The following LIMCH1 variants were observed in gnomAD, a reference collection of about 807,000 sequenced individuals.
LIMCH1 encodes LIM and calponin homology domains 1.
A neutral mutation model predicts 176.5 loss-of-function variants in LIMCH1; 113 were observed. The ratio of observed to expected loss-of-function variants is 0.64; its 90% CI spans 0.55 to 0.75. LIMCH1 has a LOEUF of 0.75. Among genes scored for constraint, LIMCH1 ranks in the 30% least tolerant of loss-of-function variants. The pLI is 0.00. For missense variants in LIMCH1, 1,674 were observed against 1,814.9 expected, an observed-to-expected ratio of 0.92 and a Z score of 1.41; for synonymous variants, 619 against 645.9, an observed-to-expected ratio of 0.96 and a Z score of 0.63.
At chr4:41,457,015 T>C (rs2154150676) in intron 1 of LIMCH1, among the ~76,000 whole-genome samples, 1 of 152,306 alleles carries the variant, frequency 6.6e-6, no homozygotes, top group East Asian at 1.9e-4. Context: ...CCATCAGAGC[T>C]TGAGGGCACA....
chr4:41,547,510 T>C (rs1209215657), intron 1 of LIMCH1, among the ~76,000 whole-genome samples: 2 of 132,978 alleles, frequency 1.5e-5, no homozygotes, highest in African/African-American at 3.8e-5. Flanking sequence ...GACCTTGGGC[T>C]AATAATTTAA....
intron 1 of LIMCH1, among the ~76,000 whole-genome samples, chr4:41,455,650 C>A (rs74994355): frequency 0.049 from 7,434 of 152,012 alleles, 258 homozygotes; most frequent in Non-Finnish European, 0.08. Context: ...AACAAAAAAA[C>A]CCAAATAAAA....
intron 18 of LIMCH1, among the ~76,000 whole-genome samples, chr4:41,658,337 A>C (rs1227649675): frequency 1.3e-5 from 2 of 152,202 alleles, no homozygotes; most frequent in Non-Finnish European, 2.9e-5. Flanking sequence ...AAATGTCAGG[A>C]TGTAACCTTT....
intron 29 of LIMCH1, among the ~76,000 whole-genome samples, chr4:41,689,194 T>C (rs1018135523): frequency 2.6e-5 from 4 of 151,956 alleles, no homozygotes; most frequent in Non-Finnish European, 2.9e-5. Flanking sequence ...TTAGGACTTA[T>C]AAAAAAAAGT....
At chr4:41,482,850 C>T (rs77451875) in intron 1 of LIMCH1, among the ~76,000 whole-genome samples, 3,899 of 152,172 alleles carry the variant, frequency 0.026, 77 homozygotes, top group Middle Eastern at 0.054. Flanking sequence ...ATTAGGAAAG[C>T]TGAGGGTTGG....
At chr4:41,647,577 A>G (rs1036685259) in intron 17 of LIMCH1, among the ~76,000 whole-genome samples, 1 of 152,232 alleles carries the variant, frequency 6.6e-6, no homozygotes, top group African/African-American at 2.4e-5. Flanking sequence ...ATCAGGAGGA[A>G]GCACTCATCC....
intron 22 of LIMCH1, 67 bp downstream of exon 22, chr4:41,671,661 G>A: frequency 8.0e-7 from 1 of 1,247,700 alleles, no homozygotes; most frequent in Non-Finnish European, 1.2e-6. Flanking sequence ...CATTTGATTG[G>A]CTCAAAGAGT....
chr4:41,541,829 C>T (rs1195696151), intron 1 of LIMCH1, among the ~76,000 whole-genome samples: 5 of 152,212 alleles, frequency 3.3e-5, no homozygotes, highest in Admixed American at 2.0e-4. Flanking sequence ...GTGATTTCCA[C>T]AAGCGTTTCT....
chr4:41,468,550 A>C (rs1352542704), intron 1 of LIMCH1, among the ~76,000 whole-genome samples: 1 of 151,532 alleles, frequency 6.6e-6, no homozygotes, highest in Non-Finnish European at 1.5e-5. Flanking sequence ...ACATTTTACC[A>C]CAGAAATATT....
At chr4:41,682,652 A>G (rs927330623) in intron 26 of LIMCH1, among the ~76,000 whole-genome samples, 192 bp downstream of exon 26, 1 of 151,724 alleles carries the variant, frequency 6.6e-6, no homozygotes, top group African/African-American at 2.4e-5. Flanking sequence ...TTGAATATAA[A>G]TAGCCTTATT....
At chr4:41,467,158 T>TACACACACACACACACACAC (rs148147336) in intron 1 of LIMCH1, among the ~76,000 whole-genome samples, 1 of 143,468 alleles carries the variant, frequency 7.0e-6, no homozygotes, top group African/African-American at 2.6e-5. Flanking sequence ...TATGTATATA[T>TACACACACACACACACACAC]ACACACACAC....
intron 1 of LIMCH1, among the ~76,000 whole-genome samples, chr4:41,460,007 G>A (rs2154152224): frequency 6.6e-6 from 1 of 152,260 alleles, no homozygotes; most frequent in African/African-American, 2.4e-5. Flanking sequence ...ATATCAGTGA[G>A]ACTTTCTTAC....
At chr4:41,401,815 A>C (rs1225725174) in intron 1 of LIMCH1, among the ~76,000 whole-genome samples, 13 of 152,206 alleles carry the variant, frequency 8.5e-5, no homozygotes, top group Admixed American at 8.5e-4. Flanking sequence ...GAGTTCACTC[A>C]TGATTTGGCT....
At chr4:41,361,060 T>A in intron 1 of LIMCH1, 1 of 572,196 alleles carries the variant, frequency 1.7e-6, no homozygotes, top group Non-Finnish European at 3.0e-6. Context: ...TGCCAGCTGC[T>A]CCAGGTCACC....
rs768606597 is a variant in LIMCH1 at position 41,684,434 on chromosome 4, G to C, written c.3883G>C (p.Val1295Leu). The change falls in exon 27 of 32, where the codon GTA becomes CTA. Residue 1295 changes from valine (V) to leucine (L), a missense_variant. By Grantham distance (32) the Val-to-Leu change is conservative. Around this residue, in one of 3 missense-constraint regions of LIMCH1, gnomAD observed 1,015 missense variants for 1,102.5 expected, o/e 0.92. Transcript: ENST00000503057. ...EGALAHSGNP[V>L]SKGVHEDHQL... ...GGCCTTGGCTCATTCTGGGAACCCT[G>C]TATCAAAAGGAGTCCATGAAGACCA... 1.9e-6 allele frequency: 3 copies of C among 1,613,556 alleles called. No homozygotes were observed. In the African/African-American group the frequency reaches 4.0e-5, roughly 22 times the overall value.
upstream of LIMCH1, among the ~76,000 whole-genome samples, chr4:41,536,442 A>G (rs1456743448): frequency 2.0e-5 from 3 of 152,214 alleles, no homozygotes; most frequent in Non-Finnish European, 4.4e-5. Context: ...CGCTCTGTCC[A>G]CAGTATAAAA....
At chr4:41,426,095 C>T (rs1224865188) in intron 1 of LIMCH1, among the ~76,000 whole-genome samples, 1 of 143,626 alleles carries the variant, frequency 7.0e-6, no homozygotes, top group Non-Finnish European at 1.5e-5. Context: ...GATCTCGGCT[C>T]ACTGCAAGTT....
chr4:41,551,034 G>A (rs1442773854), intron 1 of LIMCH1: 1 of 152,150 alleles, frequency 6.6e-6, no homozygotes, highest in African/African-American at 2.4e-5. Context: ...AGGTTTAAAA[G>A]AAATTCCTTT....
At chr4:41,620,879 G>T (rs1013668445) in intron 7 of LIMCH1, among the ~76,000 whole-genome samples, 189 bp downstream of exon 7, 5 of 152,182 alleles carry the variant, frequency 3.3e-5, no homozygotes, top group African/African-American at 1.2e-4. Context: ...AGTACCTCCT[G>T]GGTATTTTAA....
Sources: allele counts gnomAD v4.1 joint callset (sites outside exome capture counted in the v4.1 genomes callset), GRCh38; gene constraint gnomAD v4.1.1; regional missense constraint gnomAD v4.1.1; transcripts MANE v1.5; gene names NCBI Gene and HGNC (gene_info 2026-07-23, HGNC 2026-07-21).